The following POLH variants were observed in gnomAD, a reference collection of about 807,000 sequenced individuals.
POLH encodes DNA polymerase eta, also known as DNA polymerase eta transcript.
In POLH, 53 loss-of-function variants were observed where a neutral mutation model predicts 73.6. The ratio of observed to expected loss-of-function variants is 0.72; its 90% CI spans 0.58 to 0.91. POLH has a LOEUF of 0.91. Ranked by LOEUF, POLH falls within the 40% of genes least tolerant of loss-of-function variation. POLH has a pLI of 0.00. For synonymous variants in POLH, 292 were observed against 308.5 expected, an observed-to-expected ratio of 0.95 and a Z score of 0.56; for missense variants, 768 against 865.4, an observed-to-expected ratio of 0.89 and a Z score of 1.41.
chr6:43,585,978 C>A (rs1424260385), intron 3 of POLH, among the ~76,000 whole-genome samples: 1 of 150,884 alleles, frequency 6.6e-6, no homozygotes, highest in South Asian at 2.1e-4. Context: ...TATCCTCTTC[C>A]TAGTTCAAAT....
At chr6:43,599,081 C>T (rs536861722) in intron 5 of POLH, among the ~76,000 whole-genome samples, 10 of 151,250 alleles carry the variant, frequency 6.6e-5, no homozygotes, top group East Asian at 5.8e-4. Context: ...CTCCGCCTCC[C>T]GGGTTCAGGT....
intron 1 of POLH, among the ~76,000 whole-genome samples, chr6:43,577,336 A>T (rs959063680): frequency 6.6e-6 from 1 of 151,936 alleles, no homozygotes; most frequent in South Asian, 2.1e-4. Context: ...TTCTTGCTCC[A>T]CTTCTGGTAT....
Position 43,601,005 on chromosome 6 carries a change from C to T in POLH, c.678C>T (p.Ala226=), listed in dbSNP as rs2307460. 1.8e-5 allele frequency: 29 copies of T among 1,613,828 alleles called. No homozygotes were observed. In the Admixed American group the frequency reaches 3.8e-4, roughly 21 times the overall value. The change falls in exon 6 of 11, where the codon GCC becomes GCT. Residue 226 remains alanine (A), a synonymous_variant. Transcript: ENST00000372236. ...GCTTCCAGGTCCTGGCAAAACTGGCCTGTGGACTAAACAAGCCCAACCGCC... is the reference window on the plus strand; with the variant it reads ...GCTTCCAGGTCCTGGCAAAACTGGCTTGTGGACTAAACAAGCCCAACCGCC... The part of the protein sequence containing the change: ...ISHNKVLAKL[A]CGLNKPNRQT...
rs1768358375 is a variant in POLH, at chr6:43,616,478, A to T, written c.*1921A>T. On this transcript the variant is annotated 3_prime_UTR_variant, in exon 11 of 11. Coordinates refer to ENST00000372236, the MANE Select transcript of POLH (RefSeq NM_006502.3). ...GTGGCAGGCGCCTGTAATCCCAGGT[A>T]CTCGGGAGACTGAGGCAGGAGAATT... 1.3e-5 allele frequency among the ~76,000 whole-genome samples: 2 copies of T among 151,344 alleles called. No homozygotes were observed. Among genetic ancestry groups the T allele is most frequent in the South Asian group, 4.2e-4 (2 of 4,802 alleles).
intron 10 of POLH, among the ~76,000 whole-genome samples, chr6:43,611,777 C>G (rs138821750): frequency 6.6e-6 from 1 of 151,976 alleles, no homozygotes; most frequent in African/African-American, 2.4e-5. Flanking sequence ...TTCATAGGGC[C>G]GGGCGCGGTG....
At chr6:43,611,739 A>G (rs569839428) in intron 10 of POLH, among the ~76,000 whole-genome samples, 3 of 152,166 alleles carry the variant, frequency 2.0e-5, no homozygotes, top group East Asian at 3.9e-4. Flanking sequence ...GTACAGACCT[A>G]TAATATGGTG....
At position 43,613,753 on chromosome 6, in the gene POLH, T is replaced by C. The variant is rs1239788798; in HGVS notation, c.1338T>C (p.Ser446=). 1 of 1,613,586 alleles carries C rather than the reference T, an allele frequency of 6.2e-7. No individual in the cohort carries two copies. ...SSTDITSFLS[S]DPSSLPKVPV... The stretch of plus-strand genomic sequence containing the variant: ...CAGACATCACCAGCTTCTTGAGCAG[T>C]GACCCAAGTTCTCTGCCAAAGGTGC... Residue 446 remains serine, a synonymous_variant, in exon 11 of 11, where the codon AGT becomes AGC. Coordinates refer to ENST00000372236, the MANE Select transcript of POLH (RefSeq NM_006502.3).
intron 4 of POLH, among the ~76,000 whole-genome samples, chr6:43,593,296 G>A (rs1367269732): frequency 6.6e-6 from 1 of 152,132 alleles, no homozygotes; most frequent in African/African-American, 2.4e-5. Context: ...TAGATTCATT[G>A]CAGTCCCTTC....
At chr6:43,590,938 GAA>G (rs1159160487) in intron 4 of POLH, 7 of 120,920 alleles carry the variant, frequency 5.8e-5, no homozygotes, top group African/African-American at 1.8e-4. Context: ...AAAAAAAAAA[GAA>G]AAAAAAAAAA....
At position 43,614,430 on chromosome 6, in the gene POLH, A is replaced by T. The variant is rs1291684542; in HGVS notation, c.2015A>T (p.Gln672Leu). 1 of 1,614,146 alleles carries T rather than the reference A, an allele frequency of 6.2e-7. No homozygotes were observed. The highest frequency in any genetic ancestry group is 1.3e-5 in the African/African-American group (1 of 75,022). Reference protein sequence around the residue: ...SFLQPHSSNPQVVSAVSHQGK... With the variant: ...SFLQPHSSNPLVVSAVSHQGK... ...TTGCAGCCCCACTCTTCAAACCCCC[A>T]GGTTGTTTCTGCCGTATCTCATCAA... Residue 672 changes from glutamine to leucine, a missense_variant, in exon 11 of 11, where the codon CAG becomes CTG. Gln to Leu is a moderately radical substitution (Grantham distance 113, BLOSUM62 -2). Transcript: ENST00000372236.
chr6:43,578,387 C>T (rs1234332704), intron 1 of POLH: 4 of 435,492 alleles, frequency 9.2e-6, no homozygotes, highest in Non-Finnish European at 1.8e-5. Flanking sequence ...AACTCTAACT[C>T]AAAAACAACA....
At chr6:43,590,463 TTG>T (rs1274854931) in intron 4 of POLH, among the ~76,000 whole-genome samples, 17 of 151,980 alleles carry the variant, frequency 1.1e-4, no homozygotes, top group African/African-American at 4.1e-4. Flanking sequence ...TTTTTTTGTT[TTG>T]GTTTTTGTTT....
intron 1 of POLH, chr6:43,578,357 A>G: frequency 4.8e-6 from 2 of 418,388 alleles, no homozygotes; most frequent in South Asian, 1.8e-5. Context: ...ATTGCACTCC[A>G]GCCTGCGCAA....
chr6:43,620,520 A>T lies in POLH; in HGVS notation c.*5963A>T, dbSNP rs1004487498. ...TCAATAAAACATTTTTATTCTGTAC[A>T]ATATATATGTGTATTTAAATATATA... On this transcript the variant is annotated 3_prime_UTR_variant, in exon 11 of 11. Transcript: ENST00000372236. The T allele has an allele frequency of 8.5e-6, 2 of 236,620 alleles. No homozygotes were observed. Among genetic ancestry groups the T allele is most frequent in the Non-Finnish European group, 1.7e-5 (2 of 118,586 alleles). The allele number at this position is 236,620 out of a possible 1,614,324, so 14.7% of individuals were successfully genotyped here.
chr6:43,600,420 A>G (rs552860735), intron 5 of POLH, among the ~76,000 whole-genome samples: 44 of 150,486 alleles, frequency 2.9e-4, no homozygotes, highest in African/African-American at 9.5e-4. Context: ...TCTGTCTCAA[A>G]AAAAAAAAAA....
chr6:43,586,123 T>C (rs1031539939), intron 3 of POLH, among the ~76,000 whole-genome samples: 1 of 152,114 alleles, frequency 6.6e-6, no homozygotes, highest in Non-Finnish European at 1.5e-5. Flanking sequence ...ATGGTAAATA[T>C]AAAGTCAATA....
At chr6:43,607,928 C>T (rs749028490) in intron 9 of POLH, among the ~76,000 whole-genome samples, 7 of 152,008 alleles carry the variant, frequency 4.6e-5, no homozygotes, top group African/African-American at 1.2e-4. Flanking sequence ...GTCAGGAGTT[C>T]GAGGGTAGCC....
rs1561915296 is a variant in POLH at position 43,614,081 on chromosome 6, C to T, written c.1666C>T (p.Pro556Ser). The T allele has an allele frequency of 6.2e-7, 1 of 1,614,168 alleles. No individual in the cohort carries two copies. Among genetic ancestry groups the T allele is most frequent in the Non-Finnish European group, 8.5e-7 (1 of 1,180,036 alleles). The change falls in exon 11 of 11, where the codon CCA (proline) becomes TCA (serine). Residue 556 changes from proline to serine, a missense_variant. Pro to Ser is a moderately conservative substitution (Grantham distance 74). Transcript: ENST00000372236. ...NSSVSSPQQN[P>S]WSNCKALPNS... ...TTCAGTTTCTTCCCCCCAACAAAAC[C>T]CATGGTCCAACTGTAAAGCATTACC...
At chr6:43,585,610 G>A (rs1764704765) in intron 3 of POLH, among the ~76,000 whole-genome samples, 1 of 149,930 alleles carries the variant, frequency 6.7e-6, no homozygotes, top group African/African-American at 2.5e-5. Context: ...TTCTGGCTGT[G>A]TGTATGAGTA....
Sources: allele counts gnomAD v4.1 joint callset (sites outside exome capture counted in the v4.1 genomes callset), GRCh38; gene constraint gnomAD v4.1.1; transcripts MANE v1.5; gene names NCBI Gene and HGNC (gene_info 2026-07-23, HGNC 2026-07-21).